Variants in RPH3AL observed in about 807,000 individuals in gnomAD.
RPH3AL encodes rab effector Noc2.
In RPH3AL, 38 loss-of-function variants were observed where a neutral mutation model predicts 43.1. The ratio of observed to expected loss-of-function variants is 0.88; its 90% CI spans 0.68 to 1.15. RPH3AL has a LOEUF of 1.15. Among genes scored for constraint, RPH3AL ranks in the 50% most tolerant of loss-of-function variants. RPH3AL has a pLI of 0.00. For synonymous variants in RPH3AL, 189 were observed against 176.3 expected, an observed-to-expected ratio of 1.07 and a Z score of -0.57; for missense variants, 462 against 423.2, an observed-to-expected ratio of 1.09 and a Z score of -0.81.
intron 7 of RPH3AL, among the ~76,000 whole-genome samples, chr17:233,590 G>A (rs1381284206): frequency 6.6e-6 from 1 of 152,176 alleles, no homozygotes; most frequent in Admixed American, 6.5e-5. Context: ...CACTGGCCAG[G>A]TGCAAAGGTC....
chr17:326,060 C>T (rs1210910640), intron 3 of RPH3AL, among the ~76,000 whole-genome samples: 1 of 152,208 alleles, frequency 6.6e-6, no homozygotes, highest in Non-Finnish European at 1.5e-5. Flanking sequence ...CCTGCTGGGC[C>T]CTGTCGAGAG....
rs567562852 is a variant in RPH3AL, at chr17:215,817, G to A, written c.728-15C>T. 1.0e-4 allele frequency: 130 copies of A among 1,300,470 alleles called. No homozygotes were observed. The Admixed American group carries it at 1.2e-3, about 12-fold the overall frequency. 80.6% of individuals were successfully genotyped at this position (1,300,470 alleles called of 1,614,324 possible). The stretch of plus-strand genomic sequence containing the variant: ...CACGCTGCCACCTGTGGGAAATCAC[G>A]TGTGGGCCCCGTGGATCTCAAACCG... On this transcript the variant is annotated splice_polypyrimidine_tract_variant and intron_variant, in intron 8 of 9. Coordinates refer to ENST00000331302, the MANE Select transcript of RPH3AL (RefSeq NM_006987.4). The surrounding 1 kb of genome is among the most constrained non-coding windows in gnomAD (Gnocchi z 4.1).
chr17:326,399 A>G (rs1221827556), intron 3 of RPH3AL, among the ~76,000 whole-genome samples: 2 of 152,100 alleles, frequency 1.3e-5, no homozygotes, highest in East Asian at 3.9e-4. Context: ...CGTAATTGGC[A>G]TGGGTTGAAG....
chr17:334,087 C>CGT (rs2044874142), intron 1 of RPH3AL, 153 bp from the exon 2 acceptor site: 1 of 152,690 alleles, frequency 6.5e-6, no homozygotes, highest in Non-Finnish European at 1.5e-5. Context: ...CCCTGAGTGA[C>CGT]CAGTGGCTGG....
rs572206944 is a variant in RPH3AL, at chr17:245,131, G to C, written c.613+1980C>G. ...TACATGTGGATGTGTGTGTGGATGT[G>C]TGTGTCCATGTGGATGTGTGTGTGC... On this transcript the variant is annotated intron_variant, in intron 7 of 9. Coordinates refer to ENST00000331302, the MANE Select transcript of RPH3AL (RefSeq NM_006987.4). This position sits in a 1 kb window ranked among gnomAD's most constrained non-coding sequence, Gnocchi z 5.9. 2.0e-5 allele frequency among the ~76,000 whole-genome samples: 3 copies of C among 151,940 alleles called. No individual in the cohort carries two copies. The highest frequency in any genetic ancestry group is 7.2e-5 in the African/African-American group (3 of 41,428).
chr17:239,269 C>T (rs1190877239), intron 7 of RPH3AL, among the ~76,000 whole-genome samples: 1 of 152,232 alleles, frequency 6.6e-6, no homozygotes, highest in Non-Finnish European at 1.5e-5. Flanking sequence ...AACACGTCTA[C>T]TCTTTCCCTA....
At chr17:286,935 G>GCACCCTCTCTCCACCGTCAGACCTCA (rs2042930204) in intron 5 of RPH3AL, among the ~76,000 whole-genome samples, 2 of 69,748 alleles carry the variant, frequency 2.9e-5, no homozygotes, top group Non-Finnish European at 5.4e-5. Flanking sequence ...GTCAGACCTC[G>GCACCCTCTCTCCACCGTCAGACCTCA]CACCCTCTCT....
In RPH3AL at chr17:219,771, C is replaced by G. The variant is rs761575041; in HGVS notation, c.614-35G>C. On this transcript the variant is annotated intron_variant, in intron 7 of 9. Transcript: ENST00000331302. ...ACAGACCACAGCACAGGAGGTCACCCGACCAGCCCCTACCTGCAGGCATGG... is the reference window on the plus strand; with the variant it reads ...ACAGACCACAGCACAGGAGGTCACCGGACCAGCCCCTACCTGCAGGCATGG... 4 of 1,509,618 alleles carry G rather than the reference C, an allele frequency of 2.6e-6. No individual in the cohort carries two copies. The Admixed American group carries it at 6.7e-5, about 25-fold the overall frequency. 93.5% of individuals were successfully genotyped at this position (1,509,618 alleles called of 1,614,324 possible).
At position 253,713 on chromosome 17, in the gene RPH3AL, C is replaced by T. The variant is rs543451939; in HGVS notation, c.439-6428G>A. On this transcript the variant is annotated intron_variant, in intron 6 of 9. Transcript: ENST00000331302. ...CGTACTTCCTATGAGGGGAGCCGCA[C>T]GGCGTCTGTCCTTTTCCATCCCTAG... 1.0e-3 allele frequency among the ~76,000 whole-genome samples: 139 copies of T among 135,258 alleles called. 13 individuals are homozygous for T. Among genetic ancestry groups the T allele is most frequent in the African/African-American group, 3.7e-3 (124 of 33,918 alleles). The allele number at this position is 135,258 out of a possible 152,430, so 88.7% of individuals were successfully genotyped here.
At chr17:224,245 C>G (rs1173935482) in intron 7 of RPH3AL, among the ~76,000 whole-genome samples, 3 of 143,616 alleles carry the variant, frequency 2.1e-5, no homozygotes, top group Non-Finnish European at 3.2e-5. Context: ...GCTTCACCCT[C>G]TTTAAAGGTT....
chr17:272,995 T>TCAGGAA (rs2042530780), intron 6 of RPH3AL, among the ~76,000 whole-genome samples: 2 of 32,770 alleles, frequency 6.1e-5, no homozygotes, highest in African/African-American at 1.9e-4. Context: ...TACGTCAGGG[T>TCAGGAA]GAGACCCCAG....
chr17:228,622 C>T (rs2041158594), intron 7 of RPH3AL, among the ~76,000 whole-genome samples: 1 of 152,170 alleles, frequency 6.6e-6, no homozygotes, highest in South Asian at 2.1e-4. Context: ...TTGTAGGACA[C>T]CCAGGACACA....
intron 5 of RPH3AL, among the ~76,000 whole-genome samples, chr17:309,018 C>T (rs1236957650): frequency 1.3e-5 from 2 of 152,222 alleles, no homozygotes; most frequent in African/African-American, 4.8e-5. Flanking sequence ...GTGATGGAGG[C>T]TGGCTGTGGT....
Position 344,802 on chromosome 17 carries a change from T to C in RPH3AL, c.-213+7910A>G, listed in dbSNP as rs532200790. 7.4e-5 allele frequency among the ~76,000 whole-genome samples: 10 copies of C among 135,984 alleles called. 1 individual carries two copies. Among genetic ancestry groups the C allele is most frequent in the African/African-American group, 2.3e-4 (9 of 39,784 alleles). The allele number at this position is 135,984 out of a possible 152,430, so 89.2% of individuals were successfully genotyped here. On this transcript the variant is annotated intron_variant, in intron 1 of 9. Transcript: ENST00000331302. The stretch of plus-strand genomic sequence containing the variant: ...TCATCATATTCACCTCCATCAGACA[T>C]TGTCACCATCAGTCATCACTATTCT...
intron 5 of RPH3AL, among the ~76,000 whole-genome samples, chr17:316,484 C>A (rs1159817284): frequency 0.012 from 1,756 of 151,338 alleles, 8 homozygotes; most frequent in African/African-American, 0.04. Context: ...TGTGCCCCAC[C>A]TCCACTGACC....
At chr17:345,687 CTG>C (rs2045223283) in intron 1 of RPH3AL, among the ~76,000 whole-genome samples, 1 of 122,690 alleles carries the variant, frequency 8.2e-6, no homozygotes, top group South Asian at 2.8e-4. Flanking sequence ...CGCGCACACC[CTG>C]CTGGGGCACG....
chr17:215,988 GGCTGCCGGGCTCTGGCCT>G lies in RPH3AL; in HGVS notation c.728-204_728-187del. The G allele has an allele frequency of 2.3e-6, 1 of 427,730 alleles. No individual in the cohort carries two copies. The highest frequency in any genetic ancestry group is 4.0e-6 in the Non-Finnish European group (1 of 248,038). 26.5% of individuals were successfully genotyped at this position (427,730 alleles called of 1,614,324 possible). ...GGCTCTGGCCTGACCCCACCCACATGGCTGCCGGGCTCTGGCCTGACCCCACCCACATGGCTGCCGGGC... is the reference window on the plus strand; with the variant it reads ...GGCTCTGGCCTGACCCCACCCACATGGACCCCACCCACATGGCTGCCGGGC... On this transcript the variant is annotated intron_variant, in intron 8 of 9. Coordinates refer to ENST00000331302, the MANE Select transcript of RPH3AL (RefSeq NM_006987.4). This position sits in a 1 kb window ranked among gnomAD's most constrained non-coding sequence, Gnocchi z 4.1.
At chr17:267,623 CT>C (rs1164533062) in intron 6 of RPH3AL, among the ~76,000 whole-genome samples, 1 of 152,172 alleles carries the variant, frequency 6.6e-6, no homozygotes, top group African/African-American at 2.4e-5. Context: ...TCTGGGGACA[CT>C]TTTTTTGATT....
Position 328,794 on chromosome 17 carries a change from T to C in RPH3AL, c.-36-1215A>G, listed in dbSNP as rs879346078. ...TGGAGTATGATTTACAATGGATTAT[T>C]ATTTGGCCGTAAAAAGGAATGAAGT... On this transcript the variant is annotated intron_variant, in intron 2 of 9. Coordinates refer to ENST00000331302, the MANE Select transcript of RPH3AL (RefSeq NM_006987.4). The surrounding 1 kb of genome is among the most constrained non-coding windows in gnomAD (Gnocchi z 4.2). Among the ~76,000 whole-genome samples, 2 of 152,266 alleles carry C rather than the reference T, an allele frequency of 1.3e-5. No individual in the cohort carries two copies. The highest frequency in any genetic ancestry group is 2.1e-4 in the South Asian group (1 of 4,836).
Sources: allele counts gnomAD v4.1 joint callset (sites outside exome capture counted in the v4.1 genomes callset), GRCh38; gene constraint gnomAD v4.1.1; non-coding constraint Gnocchi (gnomAD v3.1); transcripts MANE v1.5; gene names NCBI Gene and HGNC (gene_info 2026-07-23, HGNC 2026-07-21).